PACS2: variants seen among roughly 807,000 people sequenced by gnomAD.
The protein encoded by PACS2 is PACS1-like protein.
In PACS2, 36 loss-of-function variants were observed where a neutral mutation model predicts 113.0. The ratio of observed to expected loss-of-function variants is 0.32; its 90% CI spans 0.24 to 0.42. The LOEUF (loss-of-function observed/expected upper bound fraction) is 0.42, where lower values mean the gene tolerates loss of function less well. Among genes scored for constraint, PACS2 ranks in the 10% least tolerant of loss-of-function variants. PACS2 has a pLI of 1.00. For missense variants in PACS2, 1,015 were observed against 1,239.5 expected (o/e 0.82, Z 2.72); for synonymous variants, 589 against 536.1 (o/e 1.10, Z -1.36).
chr14:105,367,062 C>A (rs587659257), intron 4 of PACS2, 151 bp from the exon 5 acceptor site: 2 of 661,780 alleles, frequency 3.0e-6, no homozygotes, highest in South Asian at 1.9e-5. Context: ...TTCCTGTCCA[C>A]TGGATGCTCC....
chr14:105,338,126 C>T (rs2059593474), intron 1 of PACS2, among the ~76,000 whole-genome samples: 1 of 152,226 alleles, frequency 6.6e-6, no homozygotes, highest in Non-Finnish European at 1.5e-5. Context: ...GGCCCGGTTT[C>T]CTGGAGGAGG....
chr14:105,320,336 T>C (rs2140834810), intron 1 of PACS2, among the ~76,000 whole-genome samples: 1 of 152,294 alleles, frequency 6.6e-6, no homozygotes, highest in South Asian at 2.1e-4. Context: ...GCATGTTGTA[T>C]TACCCTTTTT....
rs112513123 is a variant in PACS2, at chr14:105,339,378, G to C, written c.120-9115G>C. ...AAAAATTAGCCGGGTGTGGTGGTAT[G>C]CACCTGTAGTCTTAGCTACTTGGGA... On this transcript the variant is annotated intron_variant, in intron 1 of 24. Coordinates refer to ENST00000447393, the MANE Select transcript of PACS2 (RefSeq NM_001100913.3). Among the ~76,000 whole-genome samples, 675 of 152,142 alleles carry C rather than the reference G, an allele frequency of 4.4e-3. 9 individuals are homozygous for C. The highest frequency in any genetic ancestry group is 0.015 in the African/African-American group (638 of 41,480).
Position 105,368,375 on chromosome 14 carries a change from C to G in PACS2, c.661-84C>G, listed in dbSNP as rs947253074. ...GGTGGGCTCTCAGTGCCGGGCCTCT[C>G]CCATCGCCCACGCTGAGGCTGGCAG... is the stretch of plus-strand genomic sequence containing the variant. On this transcript the variant is annotated intron_variant, in intron 6 of 24. Coordinates refer to ENST00000447393, the MANE Select transcript of PACS2 (RefSeq NM_001100913.3). 4.6e-6 allele frequency: 5 copies of G among 1,091,014 alleles called. No homozygotes were observed. The Admixed American group carries it at 8.7e-5, about 19-fold the overall frequency. 67.6% of individuals were successfully genotyped at this position (1,091,014 alleles called of 1,614,324 possible). A position where few individuals can be genotyped will look rare whatever the true frequency, so the allele number is the denominator to read the frequency against.
Position 105,382,589 on chromosome 14 carries a change from G to C in PACS2, c.1518+8G>C. The C allele has an allele frequency of 6.4e-7, 1 of 1,553,808 alleles. No homozygotes were observed. The highest frequency in any genetic ancestry group is 8.9e-7 in the Non-Finnish European group (1 of 1,126,088). On this transcript the variant is annotated splice_region_variant and intron_variant, in intron 14 of 24. Coordinates refer to ENST00000447393, the MANE Select transcript of PACS2 (RefSeq NM_001100913.3). The stretch of plus-strand genomic sequence containing the variant: ...TCGGACTGGCAGGGGCAGGTAGAGG[G>C]GCAGTCTCTTGGAGTGGAGGGTCAG...
In PACS2 at chr14:105,384,460, G is replaced by C. The variant is rs1198463942; in HGVS notation, c.1888G>C (p.Ala630Pro). ...GTTCAACAAGCTGGAGGCCCAGAGT[G>C]CGGGTGAGGCCCGGGCGCGTCCACA... ...DLFNKLEAQS[A>P]VQDTPDIVSR... Residue 630 changes from alanine to proline, a missense_variant, in exon 17 of 25, where the codon GCG becomes CCG. Ala to Pro is a conservative substitution (Grantham distance 27, BLOSUM62 -1). Transcript: ENST00000447393. The C allele has an allele frequency of 6.2e-7, 1 of 1,604,184 alleles. No homozygotes were observed. Among genetic ancestry groups the C allele is most frequent in the Non-Finnish European group, 8.5e-7 (1 of 1,173,378 alleles).
In PACS2 at chr14:105,350,942, C is replaced by T. The variant is rs78109864; in HGVS notation, c.208-1436C>T. On this transcript the variant is annotated intron_variant, in intron 2 of 24. Transcript: ENST00000447393. ...CTCTTGCCACGCTGCACGTGAGGCC[C>T]CAGCACAAGGGGAGGACCAGAGTCC... 2.0e-3 allele frequency among the ~76,000 whole-genome samples: 306 copies of T among 152,288 alleles called. 1 individual carries two copies. Among genetic ancestry groups the T allele is most frequent in the South Asian group, 7.7e-3 (37 of 4,828 alleles).
In PACS2 at chr14:105,348,578, C is replaced by G; in HGVS notation, c.205C>G (p.Gln69Glu). The change falls in exon 2 of 25, where the codon CAG (glutamine) becomes GAG (glutamate). Residue 69 changes from glutamine to glutamate, a missense_variant and splice_region_variant. By Grantham distance (29) the Gln-to-Glu change is conservative. Around this residue, in one of 3 missense-constraint regions of PACS2, gnomAD observed 140 missense variants for 135.1 expected, o/e 1.04. Coordinates refer to ENST00000447393, the MANE Select transcript of PACS2 (RefSeq NM_001100913.3). This position sits in a 1 kb window ranked among gnomAD's most constrained non-coding sequence, Gnocchi z 6.4. ...LISVVIAVKM[Q>E]GSKRILRSHE... ...CTCCGTGGTGATCGCTGTCAAGATG[C>G]AGGTGAGGCCGCTTGTGACCCCGGC... The G allele has an allele frequency of 6.2e-7, 1 of 1,607,194 alleles. No homozygotes were observed.
In PACS2 at chr14:105,322,481, G is replaced by A. The variant is rs1038789823; in HGVS notation, c.119+7444G>A. Among the ~76,000 whole-genome samples the A allele has an allele frequency of 2.6e-5, 4 of 151,360 alleles. No individual in the cohort carries two copies. In the South Asian group the frequency reaches 6.3e-4, roughly 24 times the overall value. ...GGGTTTCACCATGTTGGCCAGACTGGTCTCGAACTCCTGACCTCAAATGAT... is the reference window on the plus strand; with the variant it reads ...GGGTTTCACCATGTTGGCCAGACTGATCTCGAACTCCTGACCTCAAATGAT... On this transcript the variant is annotated intron_variant, in intron 1 of 24. Transcript: ENST00000447393.
intron 19 of PACS2, chr14:105,388,954 G>C (rs1555414196): frequency 6.6e-6 from 1 of 152,488 alleles, no homozygotes; most frequent in Non-Finnish European, 1.5e-5. Flanking sequence ...GATAGGCCCT[G>C]CCCTCTGGAT....
intron 7 of PACS2, 126 bp from the exon 8 acceptor site, chr14:105,369,715 G>C (rs1439395384): frequency 1.4e-6 from 1 of 728,568 alleles, no homozygotes; most frequent in South Asian, 1.7e-5. Context: ...CATCAGCGTG[G>C]CTGGTGCTGA....
chr14:105,353,418 C>T (rs1343272113), intron 3 of PACS2, among the ~76,000 whole-genome samples: 4 of 148,826 alleles, frequency 2.7e-5, no homozygotes, highest in Non-Finnish European at 6.0e-5. Flanking sequence ...CCCCCCTCAT[C>T]ACTGTCCCCT....
rs972812809 is a variant in PACS2, at chr14:105,357,479, C to G, written c.423+2302C>G. ...CTCGCTCTCCCCTCCAGCATCTCCT[C>G]CAGGCCCTCGGGGCATCCTTCCACC... is the stretch of plus-strand genomic sequence containing the variant. On this transcript the variant is annotated intron_variant, in intron 4 of 24. Coordinates refer to ENST00000447393, the MANE Select transcript of PACS2 (RefSeq NM_001100913.3). The surrounding 1 kb of genome is among the most constrained non-coding windows in gnomAD (Gnocchi z 5.1). Among the ~76,000 whole-genome samples the G allele has an allele frequency of 6.6e-6, 1 of 152,154 alleles. No homozygotes were observed. Among genetic ancestry groups the G allele is most frequent in the Admixed American group, 6.5e-5 (1 of 15,282 alleles).
chr14:105,382,631 G>C (rs1364930881), intron 14 of PACS2, 50 bp downstream of exon 14: 5 of 1,234,974 alleles, frequency 4.0e-6, no homozygotes, highest in Non-Finnish European at 6.0e-6. Flanking sequence ...GGACAGAGGA[G>C]AGTGGGTTCC....
chr14:105,384,489 C>T, intron 17 of PACS2, 26 bp downstream of exon 17: 1 of 1,495,150 alleles, frequency 6.7e-7, no homozygotes, highest in South Asian at 1.1e-5. Flanking sequence ...GTCCACAGCC[C>T]ACGCCACGGC....
At position 105,394,852 on chromosome 14, in the gene PACS2, C is replaced by T. The variant is rs2081490049; in HGVS notation, c.*180C>T. 2 of 600,046 alleles carry T rather than the reference C, an allele frequency of 3.3e-6. No individual in the cohort carries two copies. The highest frequency in any genetic ancestry group is 1.9e-5 in the South Asian group (1 of 52,624). 37.2% of individuals were successfully genotyped at this position (600,046 alleles called of 1,614,324 possible). ...GGAGCTCCTGCCAGGAGCCGAATAA[C>T]TGCTCTGCTTATTAACCCGAACGTT... On this transcript the variant is annotated 3_prime_UTR_variant, in exon 25 of 25. Coordinates refer to ENST00000447393, the MANE Select transcript of PACS2 (RefSeq NM_001100913.3).
At chr14:105,307,038 T>C (rs1485408683) in intron 1 of PACS2, among the ~76,000 whole-genome samples, 4 of 151,778 alleles carry the variant, frequency 2.6e-5, no homozygotes, top group African/African-American at 9.7e-5. Flanking sequence ...ATTTACTTTA[T>C]TTTTTCTTTT....
At chr14:105,334,053 G>A (rs587725920) in intron 1 of PACS2, among the ~76,000 whole-genome samples, 4 of 152,364 alleles carry the variant, frequency 2.6e-5, no homozygotes, top group Admixed American at 2.0e-4. Context: ...GTGGTCGTGG[G>A]GTGTCGGGGG....
intron 1 of PACS2, among the ~76,000 whole-genome samples, chr14:105,302,466 G>A (rs2058069575): frequency 6.6e-6 from 1 of 151,942 alleles, no homozygotes; most frequent in African/African-American, 2.4e-5. Context: ...GCCTCCCAAA[G>A]TGCTGGGATT....
Sources: allele counts gnomAD v4.1 joint callset (sites outside exome capture counted in the v4.1 genomes callset), GRCh38; gene constraint gnomAD v4.1.1; regional missense constraint gnomAD v4.1.1; non-coding constraint Gnocchi (gnomAD v3.1); transcripts MANE v1.5; gene names NCBI Gene and HGNC (gene_info 2026-07-23, HGNC 2026-07-21).